Variants in STK32A observed in about 807,000 individuals in gnomAD.
The protein encoded by STK32A is serine/threonine-protein kinase 32A.
STK32A carries 41 observed loss-of-function variants against 53.2 expected under a neutral mutation model. That is an observed-to-expected ratio of 0.77 (90% CI 0.60 to 1.00). The LOEUF (loss-of-function observed/expected upper bound fraction) is 1.00. Ranked by LOEUF, STK32A falls within the 50% of genes least tolerant of loss-of-function variation. The probability of loss-of-function intolerance (pLI) is 0.00; values close to 1 mark genes in which losing one functional copy is unlikely to be tolerated. For missense variants in STK32A, 458 were observed against 485.8 expected, an observed-to-expected ratio of 0.94 and a Z score of 0.54; for synonymous variants, 166 against 162.8, an observed-to-expected ratio of 1.02 and a Z score of -0.15.
chr5:147,279,469 G>A (rs2151954958), intron 4 of STK32A, 71 bp downstream of exon 4: 5 of 1,399,946 alleles, frequency 3.6e-6, no homozygotes, highest in East Asian at 2.5e-5. Flanking sequence ...GTCCCCAAAT[G>A]CCTCTGGGAC....
chr5:147,290,589 G>T (rs186436462), intron 4 of STK32A, among the ~76,000 whole-genome samples: 1 of 152,082 alleles, frequency 6.6e-6, no homozygotes, highest in African/African-American at 2.4e-5. Flanking sequence ...CAACTCCTCA[G>T]GGCCTCTATC....
rs1757633362 is a variant in STK32A, at chr5:147,386,062, T to C, written c.*2079T>C. 2 of 152,200 alleles carry C rather than the reference T, an allele frequency of 1.3e-5. No individual in the cohort carries two copies. Among genetic ancestry groups the C allele is most frequent in the Admixed American group, 6.5e-5 (1 of 15,278 alleles). 9.4% of individuals were successfully genotyped at this position (152,200 alleles called of 1,614,324 possible). ...TCACTGAGCTAATAGGCCCAGAGTT[T>C]CGGGCAGAGCTGTGAAATAGTGCTT... On this transcript the variant is annotated 3_prime_UTR_variant, in exon 13 of 13. Coordinates refer to ENST00000397936, the MANE Select transcript of STK32A (RefSeq NM_001112724.2).
intron 2 of STK32A, among the ~76,000 whole-genome samples, chr5:147,242,321 C>CT (rs1475668464): frequency 6.6e-6 from 1 of 152,208 alleles, no homozygotes; most frequent in African/African-American, 2.4e-5. Context: ...CTGTCACTCT[C>CT]TAGACATGAA....
At chr5:147,364,032 A>G (rs1581140955) in intron 8 of STK32A, among the ~76,000 whole-genome samples, 1 of 151,950 alleles carries the variant, frequency 6.6e-6, no homozygotes, top group African/African-American at 2.4e-5. Flanking sequence ...CCTGATCAAC[A>G]TGGAGAAACC....
chr5:147,363,266 T>C, intron 8 of STK32A, among the ~76,000 whole-genome samples: 1 of 151,972 alleles, frequency 6.6e-6, no homozygotes, highest in Non-Finnish European at 1.5e-5. Context: ...GCAAATTCTA[T>C]TATATCTTAA....
rs1754770183 is a variant in STK32A, at chr5:147,265,607, C to A, written c.53-12517C>A. Among the ~76,000 whole-genome samples, 7 of 152,200 alleles carry A rather than the reference C, an allele frequency of 4.6e-5. No individual in the cohort carries two copies. The South Asian group carries it at 1.5e-3, about 32-fold the overall frequency. ...TGCTAAATGAGGCACACTCAGTTTT[C>A]CTTCTCTGCTTGGGGAGGGTAAGTG... On this transcript the variant is annotated intron_variant, in intron 2 of 12. Coordinates refer to ENST00000397936, the MANE Select transcript of STK32A (RefSeq NM_001112724.2).
intron 4 of STK32A, among the ~76,000 whole-genome samples, chr5:147,308,951 T>A (rs1753556986): frequency 6.7e-6 from 1 of 150,138 alleles, no homozygotes; most frequent in Non-Finnish European, 1.5e-5. Context: ...TATTCATACA[T>A]TATTTATGTA....
intron 4 of STK32A, among the ~76,000 whole-genome samples, chr5:147,315,983 A>C (rs2151974220): frequency 6.6e-6 from 1 of 152,338 alleles, no homozygotes; most frequent in Middle Eastern, 3.4e-3. Flanking sequence ...TAACCACACA[A>C]AAATGAACTA....
downstream of STK32A, among the ~76,000 whole-genome samples, chr5:147,389,919 AG>A: frequency 6.6e-6 from 1 of 152,320 alleles, no homozygotes; most frequent in South Asian, 2.1e-4. Flanking sequence ...CACTTACTGA[AG>A]GCACACAGGG....
intron 6 of STK32A, among the ~76,000 whole-genome samples, chr5:147,345,485 C>T (rs1431929722): frequency 6.6e-6 from 1 of 152,092 alleles, no homozygotes; most frequent in Non-Finnish European, 1.5e-5. Flanking sequence ...TAATACGTAC[C>T]AAATCTCTAC....
chr5:147,296,706 G>T (rs145947995), intron 4 of STK32A, among the ~76,000 whole-genome samples: 14 of 152,072 alleles, frequency 9.2e-5, no homozygotes, highest in African/African-American at 3.1e-4. Context: ...TCCTGGCGCC[G>T]GCTGCAACCA....
At chr5:147,328,127 G>A (rs1230591714) in intron 5 of STK32A, among the ~76,000 whole-genome samples, 1 of 152,200 alleles carries the variant, frequency 6.6e-6, no homozygotes, top group Non-Finnish European at 1.5e-5. Flanking sequence ...AGAGCTCTGA[G>A]GGTGTAAATG....
chr5:147,343,156 G>A lies in STK32A; in HGVS notation c.472+113G>A, dbSNP rs1581118291. The A allele has an allele frequency of 5.0e-6, 6 of 1,195,706 alleles. No homozygotes were observed. In the East Asian group the frequency reaches 1.4e-4, roughly 28 times the overall value. The allele number at this position is 1,195,706 out of a possible 1,614,324, so 74.1% of individuals were successfully genotyped here. A position where few individuals can be genotyped will look rare whatever the true frequency, so the allele number is the denominator to read the frequency against. On this transcript the variant is annotated intron_variant, in intron 6 of 12. Coordinates refer to ENST00000397936, the MANE Select transcript of STK32A (RefSeq NM_001112724.2). The stretch of plus-strand genomic sequence containing the variant: ...AAGGTATTTTGTTCTATTCATTCGA[G>A]CTCTACTTACAAACTCCTCATAGAC...
rs181266027 is a variant in STK32A, at chr5:147,339,029, C to T, written c.435-3977C>T. ...TCTGAGGAGAAATTCAAACTGGCTGCGGAAATTTGCATCAGTAATGAGGAG... is the reference window on the plus strand; with the variant it reads ...TCTGAGGAGAAATTCAAACTGGCTGTGGAAATTTGCATCAGTAATGAGGAG... On this transcript the variant is annotated intron_variant, in intron 5 of 12. Transcript: ENST00000397936. 4.7e-4 allele frequency among the ~76,000 whole-genome samples: 72 copies of T among 152,230 alleles called. 1 individual carries two copies. In the East Asian group the frequency reaches 7.7e-3, roughly 16 times the overall value.
At chr5:147,353,562 C>T (rs1163150483) in intron 7 of STK32A, among the ~76,000 whole-genome samples, 1 of 152,034 alleles carries the variant, frequency 6.6e-6, no homozygotes, top group East Asian at 1.9e-4. Context: ...GAGATCGAGA[C>T]CAGCCTGGCC....
chr5:147,241,833 G>A (rs984631906), intron 2 of STK32A, among the ~76,000 whole-genome samples: 1 of 152,132 alleles, frequency 6.6e-6, no homozygotes, highest in Non-Finnish European at 1.5e-5. Flanking sequence ...CATGAGGCTG[G>A]TCGTCAGAGA....
At chr5:147,379,508 G>T (rs531724771) in intron 11 of STK32A, among the ~76,000 whole-genome samples, 1 of 152,020 alleles carries the variant, frequency 6.6e-6, no homozygotes, top group East Asian at 1.9e-4. Flanking sequence ...CAGAATGTTA[G>T]CTGTTGTGAT....
intron 4 of STK32A, among the ~76,000 whole-genome samples, chr5:147,296,564 T>C (rs1752877542): frequency 1.3e-5 from 2 of 152,172 alleles, no homozygotes; most frequent in South Asian, 2.1e-4. Context: ...GAAGGTCATA[T>C]ACCAGTTAAA....
intron 5 of STK32A, among the ~76,000 whole-genome samples, chr5:147,325,655 TA>T (rs1464199443): frequency 2.6e-5 from 4 of 152,190 alleles, no homozygotes; most frequent in Non-Finnish European, 5.9e-5. Flanking sequence ...AGGCACCAGA[TA>T]AATGAAAGCA....
Sources: gnomAD v4.1 joint callset for allele counts (sites outside exome capture counted in the v4.1 genomes callset) on GRCh38, gnomAD v4.1.1 for gene constraint, MANE v1.5 for transcripts, NCBI Gene and HGNC (gene_info 2026-07-23, HGNC 2026-07-21) for gene names.